Variants in MAP1A observed in about 807,000 individuals in gnomAD.
MAP1A encodes the protein microtubule-associated protein 1A.
In MAP1A, 42 loss-of-function variants were observed where a neutral mutation model predicts 185.9. That is an observed-to-expected ratio of 0.23 (90% confidence interval 0.18 to 0.29). The LOEUF (loss-of-function observed/expected upper bound fraction) is 0.29, where lower values mean the gene tolerates loss of function less well. Among genes scored for constraint, MAP1A ranks in the 10% least tolerant of loss-of-function variants. The pLI is 1.00. For synonymous variants in MAP1A, 1,229 were observed against 1,335.9 expected (o/e 0.92, Z 1.74); for missense variants, 2,995 against 3,450.4 (o/e 0.87, Z 3.31).
chr15:43,523,801 C>T lies in MAP1A; in HGVS notation c.2328C>T (p.Pro776=), dbSNP rs3862138. The T allele has an allele frequency of 0.18, 294,948 of 1,613,830 alleles. 28,835 individuals carry two copies. The highest frequency in any genetic ancestry group is 0.26 in the Middle Eastern group (1,586 of 6,062). ...TTCATACAAGTACATATGACCTGCCCGGGCCTGAAGGTGCTGGCCCATTCG... is the reference window on the plus strand; with the variant it reads ...TTCATACAAGTACATATGACCTGCCTGGGCCTGAAGGTGCTGGCCCATTCG... ...PRFHTSTYDL[P]GPEGAGPFEA... The change falls in exon 4 of 6, where the codon CCC becomes CCT. Residue 776 remains proline, a synonymous_variant. Transcript: ENST00000300231.
rs200333019 is a variant in MAP1A at position 43,523,235 on chromosome 15, C to T, written c.1762C>T (p.His588Tyr). Residue 588 changes from histidine to tyrosine, a missense_variant, in exon 4 of 6, where the codon CAT becomes TAT. Transcript: ENST00000300231. ...TGTTCCAGGGCTGGGACAAGAAGAACATGTGATGAAGGAGAAAGAGCTTGT... is the reference window on the plus strand; with the variant it reads ...TGTTCCAGGGCTGGGACAAGAAGAATATGTGATGAAGGAGAAAGAGCTTGT... ...PSVPGLGQEE[H>Y]VMKEKELVPE... 6.2e-7 allele frequency: 1 copy of T among 1,614,086 alleles called. No homozygotes were observed. The highest frequency in any genetic ancestry group is 1.7e-5 in the Admixed American group (1 of 60,006).
At position 43,511,108 on chromosome 15, in the gene MAP1A, GGCCGGAGCCGCGGTGGCGGCTGCAC is replaced by G; in HGVS notation, c.123_147del (p.Ala43ThrfsTer8). 1 of 1,550,364 alleles carries G rather than the reference GGCCGGAGCCGCGGTGGCGGCTGCAC, an allele frequency of 6.5e-7. No individual in the cohort carries two copies. Among genetic ancestry groups the G allele is most frequent in the East Asian group, 2.4e-5 (1 of 40,918 alleles). On this transcript the variant is annotated frameshift_variant, in exon 1 of 7. Coordinates refer to the MAP1A transcript ENST00000382031. LOFTEE classifies it high-confidence loss of function. ...AGAACCCCGCGGAGCTGCTGTGCGA[GGCCGGAGCCGCGGTGGCGGCTGCAC>G]GCTGGGACCTGCAGAAGCACTCTTT...
Position 43,526,300 on chromosome 15 carries a change from G to T in MAP1A, c.4827G>T (p.Glu1609Asp). ...KSPEKVKAMEEKLEALLEKTK... is the reference protein window; with the variant it reads ...KSPEKVKAMEDKLEALLEKTK... ...CAGAAAAGGTCAAGGCCATGGAAGA[G>T]AAGTTAGAAGCTCTTCTGGAGAAGA... Residue 1609 changes from glutamate (E) to aspartate (D), a missense_variant, in exon 4 of 6, where the codon GAG becomes GAT. Glu to Asp is a conservative substitution (Grantham distance 45). Around this residue, in one of 3 missense-constraint regions of MAP1A, gnomAD observed 2,728 missense variants for 2,986.0 expected, o/e 0.91. Transcript: ENST00000300231. The surrounding 1 kb of genome is among the most constrained non-coding windows in gnomAD (Gnocchi z 4.7). The T allele has an allele frequency of 8.1e-6, 13 of 1,614,048 alleles. No individual in the cohort carries two copies. The highest frequency in any genetic ancestry group is 1.1e-5 in the Non-Finnish European group (13 of 1,180,014).
rs1566977004 is a variant in MAP1A at position 43,521,737 on chromosome 15, A to G, written c.264A>G (p.Thr88=). ...HLDRIDSVLL[T]HIGADNLPGI... ...ACCGCATTGACTCGGTGCTACTCAC[A>G]CACATTGGGGCAGACAACCTGCCAG... Residue 88 remains threonine, a synonymous_variant, in exon 4 of 6, where the codon ACA becomes ACG. Coordinates refer to ENST00000300231, the MANE Select transcript of MAP1A (RefSeq NM_002373.6). The surrounding 1 kb of genome is among the most constrained non-coding windows in gnomAD (Gnocchi z 4.6). 1 of 1,614,208 alleles carries G rather than the reference A, an allele frequency of 6.2e-7. No individual in the cohort carries two copies. The highest frequency in any genetic ancestry group is 1.7e-5 in the Admixed American group (1 of 60,024).
Position 43,526,636 on chromosome 15 carries a change from C to T in MAP1A, c.5163C>T (p.Tyr1721=). ...ATGGCCAGGGGGCCCGCCCACACTA[C>T]ACTGAGGAACGGGAAAGCACTTTCC... ...ELDGQGARPH[Y]TEERESTFLD... The change falls in exon 4 of 6, where the codon TAC becomes TAT. Residue 1721 remains tyrosine, a synonymous_variant. Transcript: ENST00000300231. The surrounding 1 kb of genome is among the most constrained non-coding windows in gnomAD (Gnocchi z 4.7). The T allele has an allele frequency of 6.2e-7, 1 of 1,614,140 alleles. No homozygotes were observed. Among genetic ancestry groups the T allele is most frequent in the East Asian group, 2.2e-5 (1 of 44,886 alleles).
Position 43,528,723 on chromosome 15 carries a change from G to A in MAP1A, c.7250G>A (p.Gly2417Glu), listed in dbSNP as rs753292206. 1.1e-5 allele frequency: 17 copies of A among 1,612,986 alleles called. No individual in the cohort carries two copies. The highest frequency in any genetic ancestry group is 1.4e-5 in the Non-Finnish European group (17 of 1,179,574). The change falls in exon 4 of 6, where the codon GGG (glycine) becomes GAG (glutamate). Residue 2417 changes from glycine (G) to glutamate (E), a missense_variant. By Grantham distance (98) the Gly-to-Glu change is moderately conservative (BLOSUM62 -2). Coordinates refer to ENST00000300231, the MANE Select transcript of MAP1A (RefSeq NM_002373.6). ...CCTGAGCAGCCAGTGTGTCCTGCAG[G>A]GGGCTCCGGGGGCCCACCCAGCAGT... The part of the protein sequence containing the change: ...LSPEQPVCPA[G>E]GSGGPPSSAS...
rs200417352 is a variant in MAP1A, at chr15:43,521,522, G to C, written c.49G>C (p.Val17Leu). The C allele has an allele frequency of 6.2e-7, 1 of 1,614,134 alleles. No homozygotes were observed. Among genetic ancestry groups the C allele is most frequent in the Admixed American group, 1.7e-5 (1 of 60,016 alleles). ...FSEYVSETVD[V>L]PSPFDLLEPP... ...CGAGTATGTCTCTGAGACTGTGGAC[G>C]TGCCATCCCCATTTGACCTACTAGA... Residue 17 changes from valine to leucine, a missense_variant, in exon 4 of 6, where the codon GTG becomes CTG. Physicochemically the swap from Val to Leu is conservative, Grantham distance 32. Around this residue, in one of 3 missense-constraint regions of MAP1A, gnomAD observed 264 missense variants for 435.3 expected, o/e 0.61. Transcript: ENST00000300231. The surrounding 1 kb of genome is among the most constrained non-coding windows in gnomAD (Gnocchi z 4.6).
intron 2 of MAP1A, chr15:43,512,385 TGGA>T: frequency 1.2e-6 from 1 of 864,182 alleles, no homozygotes; most frequent in East Asian, 2.7e-5. Context: ...GAGGTTTGAG[TGGA>T]GGAGAAGGGA....
At chr15:43,511,109 G>T in exon 1 of MAP1A, 1 of 1,550,328 alleles carries the variant, frequency 6.5e-7, no homozygotes, top group Non-Finnish European at 8.7e-7. Flanking sequence ...GCTGTGCGAG[G>T]CCGGAGCCGC....
rs780078990 is a variant in MAP1A, at chr15:43,527,116, C to T, written c.5643C>T (p.Ala1881=). 8.1e-6 allele frequency: 13 copies of T among 1,603,220 alleles called. No homozygotes were observed. The highest frequency in any genetic ancestry group is 2.2e-5 in the South Asian group (2 of 89,152). ...HTPAPFSWGT[A]EYDSVVAAVQ... ...CTGCACCCTTCTCTTGGGGCACAGCCGAGTATGACAGTGTGGTGGCTGCAG... is the reference window on the plus strand; with the variant it reads ...CTGCACCCTTCTCTTGGGGCACAGCTGAGTATGACAGTGTGGTGGCTGCAG... The change falls in exon 4 of 6, where the codon GCC becomes GCT. Residue 1881 remains alanine, a synonymous_variant. Transcript: ENST00000300231.
In MAP1A at chr15:43,526,015, G is replaced by T; in HGVS notation, c.4542G>T (p.Thr1514=). The T allele has an allele frequency of 6.2e-7, 1 of 1,613,506 alleles. No individual in the cohort carries two copies. The change falls in exon 4 of 6, where the codon ACG becomes ACT. Residue 1514 remains threonine, a synonymous_variant. Transcript: ENST00000300231. This position sits in a 1 kb window ranked among gnomAD's most constrained non-coding sequence, Gnocchi z 4.7. ...TTGAACATAAGGCTCCGGAGGACACGGTCGCTGAAATGAAGGACAGAGACC... is the reference window on the plus strand; with the variant it reads ...TTGAACATAAGGCTCCGGAGGACACTGTCGCTGAAATGAAGGACAGAGACC... ...RSVEHKAPED[T]VAEMKDRDLE...
Position 43,520,722 on chromosome 15 carries a change from A to T in MAP1A, c.-293A>T, listed in dbSNP as rs1334790624. On this transcript the variant is annotated splice_region_variant and 5_prime_UTR_variant, in exon 2 of 6. Transcript: ENST00000300231. ...CCCAGTGCAGACAGCATCAGCTCTG[A>T]GGTAAGGCCAGGGCCTGTGCCTTGC... 1 of 1,546,534 alleles carries T rather than the reference A, an allele frequency of 6.5e-7. No homozygotes were observed. The highest frequency in any genetic ancestry group is 2.4e-5 in the East Asian group (1 of 40,908).
chr15:43,526,606 G>A lies in MAP1A; in HGVS notation c.5133G>A (p.Glu1711=), dbSNP rs2079344823. ...AGCGGAAGGTCTGGTTCCCTCACGA[G>A]CTGGATGGCCAGGGGGCCCGCCCAC... The part of the protein sequence containing the change: ...SCERKVWFPH[E]LDGQGARPHY... Residue 1711 remains glutamate, a synonymous_variant, in exon 4 of 6, where the codon GAG becomes GAA. Coordinates refer to ENST00000300231, the MANE Select transcript of MAP1A (RefSeq NM_002373.6). The surrounding 1 kb of genome is among the most constrained non-coding windows in gnomAD (Gnocchi z 4.7). The A allele has an allele frequency of 6.2e-7, 1 of 1,614,152 alleles. No homozygotes were observed. The highest frequency in any genetic ancestry group is 1.1e-5 in the South Asian group (1 of 91,084).
chr15:43,525,899 A>G lies in MAP1A; in HGVS notation c.4426A>G (p.Lys1476Glu), dbSNP rs1388603725. The change falls in exon 4 of 6, where the codon AAA becomes GAA. Residue 1476 changes from lysine (K) to glutamate (E), a missense_variant. By Grantham distance (56) the Lys-to-Glu change is moderately conservative (BLOSUM62 1). Transcript: ENST00000300231. ...QKDKALEPKD[K>E]DLEQKDRVLE... ...GGACAAGGCCCTGGAACCAAAAGATAAAGACTTGGAACAAAAGGACAGGGT... is the reference window on the plus strand; with the variant it reads ...GGACAAGGCCCTGGAACCAAAAGATGAAGACTTGGAACAAAAGGACAGGGT... The G allele has an allele frequency of 1.2e-6, 2 of 1,613,526 alleles. No individual in the cohort carries two copies. The highest frequency in any genetic ancestry group is 2.2e-5 in the East Asian group (1 of 44,886).
At chr15:43,512,147 A>G in intron 1 of MAP1A, 1 of 1,199,200 alleles carries the variant, frequency 8.3e-7, no homozygotes. Flanking sequence ...CCACCCTACA[A>G]CCTGCAACCT....
rs1060944 is a variant in MAP1A at position 43,526,475 on chromosome 15, G to T, written c.5002G>T (p.Ala1668Ser). Residue 1668 changes from alanine (A) to serine (S), a missense_variant, in exon 4 of 6, where the codon GCC (alanine) becomes TCC (serine). Transcript: ENST00000300231. The surrounding 1 kb of genome is among the most constrained non-coding windows in gnomAD (Gnocchi z 4.7). ...EEPAGEQKELAPAWEDTSPEQ... is the reference protein window; with the variant it reads ...EEPAGEQKELSPAWEDTSPEQ... ...GCCGGCTGGAGAACAGAAAGAGCTT[G>T]CCCCGGCATGGGAGGACACATCTCC... The T allele has an allele frequency of 6.2e-7, 1 of 1,614,012 alleles. No individual in the cohort carries two copies. Among genetic ancestry groups the T allele is most frequent in the African/African-American group, 1.3e-5 (1 of 74,934 alleles).
chr15:43,519,014 G>A (rs545724341), intron 1 of MAP1A, among the ~76,000 whole-genome samples: 7 of 152,264 alleles, frequency 4.6e-5, no homozygotes, highest in Non-Finnish European at 7.4e-5. Flanking sequence ...GCAGGGAGGG[G>A]TAGATAGAAA....
At position 43,520,671 on chromosome 15, in the gene MAP1A, T is replaced by A; in HGVS notation, c.-344T>A. The A allele has an allele frequency of 1.3e-6, 2 of 1,550,120 alleles. No homozygotes were observed. Among genetic ancestry groups the A allele is most frequent in the Non-Finnish European group, 8.7e-7 (1 of 1,146,406 alleles). On this transcript the variant is annotated 5_prime_UTR_variant, in exon 2 of 6. Coordinates refer to ENST00000300231, the MANE Select transcript of MAP1A (RefSeq NM_002373.6). The stretch of plus-strand genomic sequence containing the variant: ...AGGACCCTTTGCCACCAGAGTGAGA[T>A]CCTAGAGACCATCATCCTGGTAAAT...
Position 43,527,037 on chromosome 15 carries a change from C to A in MAP1A, c.5564C>A (p.Ala1855Glu). The change falls in exon 4 of 6, where the codon GCA (alanine) becomes GAA (glutamate). Residue 1855 changes from alanine to glutamate, a missense_variant. Physicochemically the swap from Ala to Glu is moderately radical, Grantham distance 107. Around this residue, in one of 3 missense-constraint regions of MAP1A, gnomAD observed 2,728 missense variants for 2,986.0 expected, o/e 0.91. Transcript: ENST00000300231. Reference protein sequence around the residue: ...WVPKDRPLPPAPLSPAPGPPT... With the variant: ...WVPKDRPLPPEPLSPAPGPPT... Reference sequence around the variant, plus strand: ...CCCAAGGACAGACCCCTCCCCCCTGCACCCCTCTCCCCAGCTCCTGGTCCC... The same window carrying A: ...CCCAAGGACAGACCCCTCCCCCCTGAACCCCTCTCCCCAGCTCCTGGTCCC... The A allele has an allele frequency of 6.3e-7, 1 of 1,593,690 alleles. No homozygotes were observed. The highest frequency in any genetic ancestry group is 1.1e-5 in the South Asian group (1 of 87,346).
Sources: gnomAD v4.1 joint callset for allele counts (sites outside exome capture counted in the v4.1 genomes callset) on GRCh38, gnomAD v4.1.1 for gene constraint, gnomAD v4.1.1 regional missense constraint, Gnocchi (gnomAD v3.1) non-coding constraint, MANE v1.5 for transcripts, NCBI Gene and HGNC (gene_info 2026-07-23, HGNC 2026-07-21) for gene names.